The following KIAA1549L variants were observed in gnomAD, a reference collection of about 807,000 sequenced individuals.
The protein encoded by KIAA1549L is KIAA1549 like.
KIAA1549L carries 88 observed loss-of-function variants against 160.7 expected under a neutral mutation model. The observed-to-expected ratio is 0.55, with a 90% CI of 0.46 to 0.65. The LOEUF is 0.65. KIAA1549L is among the 30% of genes least tolerant of loss of function. The pLI, the probability that KIAA1549L is intolerant of heterozygous loss-of-function variation, is 0.00. For synonymous variants in KIAA1549L, 950 were observed against 976.7 expected, an observed-to-expected ratio of 0.97 and a Z score of 0.51; for missense variants, 2,258 against 2,437.5, an observed-to-expected ratio of 0.93 and a Z score of 1.55.
At chr11:33,618,807 T>C in intron 16 of KIAA1549L, 145 bp downstream of exon 16, 2 of 771,200 alleles carry the variant, frequency 2.6e-6, no homozygotes, top group Non-Finnish European at 3.9e-6. Context: ...TTATTACCTA[T>C]TTTGCAAAGT....
intron 1 of KIAA1549L, among the ~76,000 whole-genome samples, chr11:33,380,686 A>G (rs1386831057): frequency 1.3e-5 from 2 of 152,106 alleles, no homozygotes; most frequent in African/African-American, 2.4e-5. Context: ...GGTCTCAAAG[A>G]ACTTTGTAGG....
At chr11:33,535,456 T>C (rs1005076492) in intron 1 of KIAA1549L, among the ~76,000 whole-genome samples, 9 of 152,126 alleles carry the variant, frequency 5.9e-5, no homozygotes, top group Non-Finnish European at 1.0e-4. Flanking sequence ...GAAGATCACT[T>C]GAGCCCAGGA....
chr11:33,492,119 C>T (rs904317371), intron 1 of KIAA1549L, among the ~76,000 whole-genome samples: 31 of 152,282 alleles, frequency 2.0e-4, no homozygotes, highest in African/African-American at 7.2e-4. Context: ...GTAATCCCAG[C>T]ACTTTGAGAG....
intron 20 of KIAA1549L, among the ~76,000 whole-genome samples, chr11:33,661,342 A>T (rs1852254041): frequency 6.6e-6 from 1 of 152,150 alleles, no homozygotes; most frequent in South Asian, 2.1e-4. Context: ...TGTTTATATT[A>T]TTTAATCTTT....
Position 33,542,822 on chromosome 11 carries a change from T to G in KIAA1549L, c.1259T>G (p.Leu420Arg). 6.2e-7 allele frequency: 1 copy of G among 1,613,838 alleles called. No homozygotes were observed. The highest frequency in any genetic ancestry group is 8.5e-7 in the Non-Finnish European group (1 of 1,179,862). ...GCGACCCATGAGGCTGAGCCTCCAC[T>G]TTTCCAGACTGCAGAATCAGGGGCC... is the stretch of plus-strand genomic sequence containing the variant. ...ETATHEAEPP[L>R]FQTAESGAIE... is the part of the protein sequence containing the mutation. Residue 420 changes from leucine (L) to arginine (R), a missense_variant, in exon 2 of 21, where the codon CTT becomes CGT. Around this residue, in one of 6 missense-constraint regions of KIAA1549L, gnomAD observed 540 missense variants for 465.7 expected, o/e 1.16. Coordinates refer to ENST00000658780, the MANE Select transcript of KIAA1549L (RefSeq NM_012194.3).
chr11:33,416,558 A>G (rs1850893621), intron 1 of KIAA1549L, among the ~76,000 whole-genome samples: 1 of 152,222 alleles, frequency 6.6e-6, no homozygotes. Flanking sequence ...ATTAGGTATT[A>G]TAAATAATGT....
Position 33,606,890 on chromosome 11 carries a change from A to G in KIAA1549L, c.5061+68A>G, listed in dbSNP as rs750507593. The stretch of plus-strand genomic sequence containing the variant: ...CTTGGGAAATTCGGACGAAGGAACA[A>G]CACCTGTGAATACTGGGTGCAGATT... On this transcript the variant is annotated intron_variant, in intron 14 of 20. Transcript: ENST00000658780. 5 of 1,351,420 alleles carry G rather than the reference A, an allele frequency of 3.7e-6. No homozygotes were observed. The East Asian group carries it at 1.3e-4, about 34-fold the overall frequency. The allele number at this position is 1,351,420 out of a possible 1,614,324, so 83.7% of individuals were successfully genotyped here. A position where few individuals can be genotyped will look rare whatever the true frequency, so the allele number is the denominator to read the frequency against.
chr11:33,646,048 A>T lies in KIAA1549L; in HGVS notation c.5760+12A>T. 6.5e-7 allele frequency: 1 copy of T among 1,539,014 alleles called. No individual in the cohort carries two copies. Among genetic ancestry groups the T allele is most frequent in the Non-Finnish European group, 8.8e-7 (1 of 1,138,192 alleles). On this transcript the variant is annotated intron_variant, in intron 17 of 20. Transcript: ENST00000658780. ...GTCTGCCCCGGCCGGTAAGTCATTC[A>T]TTCCACCCACCTGCCATCATCTGGT...
At chr11:33,476,694 C>A (rs1193369969) in intron 1 of KIAA1549L, among the ~76,000 whole-genome samples, 1 of 152,156 alleles carries the variant, frequency 6.6e-6, no homozygotes, top group Non-Finnish European at 1.5e-5. Flanking sequence ...AAGCGCATTG[C>A]CCCCAACCTC....
At chr11:33,448,217 G>C (rs182089072) in intron 1 of KIAA1549L, among the ~76,000 whole-genome samples, 109 of 152,188 alleles carry the variant, frequency 7.2e-4, no homozygotes, top group Non-Finnish European at 1.3e-3. Flanking sequence ...ACATGCATTA[G>C]GTATTTACAT....
Position 33,649,014 on chromosome 11 carries a change from C to T in KIAA1549L, c.5760+2978C>T, listed in dbSNP as rs779082697. 2.3e-4 allele frequency among the ~76,000 whole-genome samples: 35 copies of T among 152,204 alleles called. 1 individual carries two copies. The highest frequency in any genetic ancestry group is 3.9e-4 in the Admixed American group (6 of 15,280). ...AGATCAATATTATTATCCCAAAGTA[C>T]TCAGTGAGGAAACTGAAGCTTGGAG... is the stretch of plus-strand genomic sequence containing the variant. On this transcript the variant is annotated intron_variant, in intron 17 of 20. Transcript: ENST00000658780.
At chr11:33,577,491 G>A (rs563834627) in intron 10 of KIAA1549L, among the ~76,000 whole-genome samples, 50 of 152,310 alleles carry the variant, frequency 3.3e-4, no homozygotes, top group Admixed American at 1.3e-3. Context: ...ATGAGGCAAT[G>A]GGATCTGGTG....
At chr11:33,555,973 C>T (rs1300151573) in intron 6 of KIAA1549L, among the ~76,000 whole-genome samples, 1 of 151,808 alleles carries the variant, frequency 6.6e-6, no homozygotes, top group Non-Finnish European at 1.5e-5. Flanking sequence ...TAAAAACAAA[C>T]AAAAAAATCC....
At chr11:33,392,275 C>T (rs537487562) in intron 1 of KIAA1549L, among the ~76,000 whole-genome samples, 3 of 152,198 alleles carry the variant, frequency 2.0e-5, no homozygotes, top group Non-Finnish European at 1.5e-5. Context: ...GTAAACACCC[C>T]TATATCTACC....
rs983327119 is a variant in KIAA1549L, at chr11:33,606,986, A to G, written c.5061+164A>G. 2.0e-5 allele frequency among the ~76,000 whole-genome samples: 3 copies of G among 152,208 alleles called. No individual in the cohort carries two copies. The South Asian group carries it at 6.2e-4, about 32-fold the overall frequency. On this transcript the variant is annotated intron_variant, in intron 14 of 20. Transcript: ENST00000658780. ...CCTCTGCAGAATGAATCAGGACACA[A>G]GTCACCCAAAAAGAATTTGTTGGGT...
chr11:33,391,744 A>G (rs1850276537), intron 1 of KIAA1549L, among the ~76,000 whole-genome samples: 1 of 152,176 alleles, frequency 6.6e-6, no homozygotes, highest in African/African-American at 2.4e-5. Context: ...AGGAAGTGTC[A>G]ACAGTGTGGA....
intron 1 of KIAA1549L, among the ~76,000 whole-genome samples, chr11:33,516,155 T>G (rs1853340673): frequency 7.2e-5 from 1 of 13,874 alleles, no homozygotes; most frequent in Non-Finnish European, 1.2e-4. Flanking sequence ...TTTTTTTTTT[T>G]TTTTTTTTTT....
At position 33,543,458 on chromosome 11, in the gene KIAA1549L, T is replaced by A; in HGVS notation, c.1895T>A (p.Ile632Lys). The change falls in exon 2 of 21, where the codon ATA becomes AAA. Residue 632 changes from isoleucine to lysine, a missense_variant. Around this residue, in one of 6 missense-constraint regions of KIAA1549L, gnomAD observed 20 missense variants for 23.2 expected, o/e 0.86. Coordinates refer to ENST00000658780, the MANE Select transcript of KIAA1549L (RefSeq NM_012194.3). Reference sequence around the variant, plus strand: ...CCACCTCTACCTTCCATACTCTCCATACAAGCCACCCAGACTGTTTTCCCA... The same window carrying A: ...CCACCTCTACCTTCCATACTCTCCAAACAAGCCACCCAGACTGTTTTCCCA... The part of the protein sequence containing the change: ...SGPPLPSILS[I>K]QATQTVFPSL... The A allele has an allele frequency of 6.2e-7, 1 of 1,614,010 alleles. No homozygotes were observed. The highest frequency in any genetic ancestry group is 1.1e-5 in the South Asian group (1 of 91,074).
At position 33,626,490 on chromosome 11, in the gene KIAA1549L, G is replaced by C. The variant is rs1174405978; in HGVS notation, c.5409+7828G>C. Among the ~76,000 whole-genome samples, 5 of 147,932 alleles carry C rather than the reference G, an allele frequency of 3.4e-5. 1 individual carries two copies. Among genetic ancestry groups the C allele is most frequent in the Admixed American group, 3.3e-4 (5 of 15,006 alleles). ...AGGTCCTTCACATCCCTTGTAAATT[G>C]GATTCCTAGGTATTTTATTCTCTTT... On this transcript the variant is annotated intron_variant, in intron 16 of 20. Coordinates refer to ENST00000658780, the MANE Select transcript of KIAA1549L (RefSeq NM_012194.3).
Sources: gnomAD v4.1 joint callset for allele counts (sites outside exome capture counted in the v4.1 genomes callset) on GRCh38, gnomAD v4.1.1 for gene constraint, gnomAD v4.1.1 regional missense constraint, MANE v1.5 for transcripts, NCBI Gene and HGNC (gene_info 2026-07-23, HGNC 2026-07-21) for gene names.